NTM: variants seen among roughly 807,000 people sequenced by gnomAD.
NTM encodes IgLON family member 2.
NTM carries 13 observed loss-of-function variants against 42.1 expected under a neutral mutation model. That is an observed-to-expected ratio of 0.31 (90% CI 0.20 to 0.49). The LOEUF (loss-of-function observed/expected upper bound fraction) is 0.49, where lower values mean the gene tolerates loss of function less well. NTM is among the 20% of genes least tolerant of loss of function. The pLI, the probability that NTM is intolerant of heterozygous loss-of-function variation, is 0.99. For synonymous variants in NTM, 187 were observed against 179.2 expected (o/e 1.04, Z -0.35); for missense variants, 373 against 452.8 (o/e 0.82, Z 1.60).
chr11:131,694,627 G>A (rs569603431), intron 1 of NTM, among the ~76,000 whole-genome samples: 1 of 152,338 alleles, frequency 6.6e-6, no homozygotes, highest in Admixed American at 6.5e-5. Flanking sequence ...ATGAGCTCAG[G>A]CAGGACAGGG....
chr11:131,976,116 ATTCCTTCCTTCC>A (rs373955090), intron 2 of NTM, among the ~76,000 whole-genome samples: 103 of 123,870 alleles, frequency 8.3e-4, no homozygotes, highest in Admixed American at 2.9e-3. Context: ...TCCCTCCCTC[ATTCCTTCCTTCC>A]TTCCTTCCTT....
chr11:131,402,824 C>A (rs1042724802), intron 1 of NTM, among the ~76,000 whole-genome samples: 1 of 152,182 alleles, frequency 6.6e-6, no homozygotes, highest in Non-Finnish European at 1.5e-5. Flanking sequence ...CCTAGAGATG[C>A]TCCATAGGAA....
chr11:131,743,079 A>G (rs1023874270), intron 1 of NTM, among the ~76,000 whole-genome samples: 3 of 152,174 alleles, frequency 2.0e-5, no homozygotes, highest in African/African-American at 7.2e-5. Context: ...AATAAGCTTT[A>G]TTTATTTTTC....
intron 1 of NTM, among the ~76,000 whole-genome samples, chr11:131,404,056 C>A (rs1945541102): frequency 6.6e-6 from 1 of 152,068 alleles, no homozygotes; most frequent in Admixed American, 6.6e-5. Context: ...TTTAAAATGG[C>A]AACTGCAACA....
chr11:132,267,929 G>GT (rs904424013), intron 4 of NTM, among the ~76,000 whole-genome samples: 103 of 151,478 alleles, frequency 6.8e-4, no homozygotes, highest in African/African-American at 2.0e-3. Context: ...GCATATGGGT[G>GT]TTTTTTTTGC....
rs1170456659 is a variant in NTM, at chr11:132,104,973, A to G, written c.168-41309A>G. Among the ~76,000 whole-genome samples, 97 of 118,604 alleles carry G rather than the reference A, an allele frequency of 8.2e-4. 6 individuals are homozygous for G. Among genetic ancestry groups the G allele is most frequent in the African/African-American group, 2.0e-3 (60 of 29,512 alleles). The allele number at this position is 118,604 out of a possible 152,430, so 77.8% of individuals were successfully genotyped here. On this transcript the variant is annotated intron_variant, in intron 2 of 8. Transcript: ENST00000683400. ...TATATATATATATATATATATATATATATATATATATATATATATTTCATG... is the reference window on the plus strand; with the variant it reads ...TATATATATATATATATATATATATGTATATATATATATATATATTTCATG...
At chr11:131,450,946 C>T (rs1950437177) in intron 1 of NTM, among the ~76,000 whole-genome samples, 1 of 151,860 alleles carries the variant, frequency 6.6e-6, no homozygotes, top group African/African-American at 2.4e-5. Flanking sequence ...GCAAAGGAGA[C>T]AGGGCAGGGC....
At chr11:131,869,318 AGAG>A (rs71940084) in intron 1 of NTM, among the ~76,000 whole-genome samples, 6,222 of 152,250 alleles carry the variant, frequency 0.041, 433 homozygotes, top group African/African-American at 0.14. Flanking sequence ...CCATTGTTTC[AGAG>A]GAGGAGTCCT....
At chr11:132,045,162 G>A (rs1039545506) in intron 2 of NTM, among the ~76,000 whole-genome samples, 1 of 152,198 alleles carries the variant, frequency 6.6e-6, no homozygotes, top group African/African-American at 2.4e-5. Context: ...CAGGCTGTCT[G>A]TTGCGTTCTG....
chr11:131,424,814 CT>C (rs1947945162), intron 1 of NTM, among the ~76,000 whole-genome samples: 1 of 149,558 alleles, frequency 6.7e-6, no homozygotes, highest in African/African-American at 2.5e-5. Context: ...CGTGATCTGC[CT>C]GCCTTGGCCT....
chr11:131,804,317 T>G (rs1379292721), intron 1 of NTM, among the ~76,000 whole-genome samples: 1 of 152,176 alleles, frequency 6.6e-6, no homozygotes, highest in Admixed American at 6.5e-5. Flanking sequence ...AAGTCCAGCT[T>G]ATTTATTGAG....
chr11:132,167,758 T>C (rs919199744), intron 3 of NTM, among the ~76,000 whole-genome samples: 9 of 152,168 alleles, frequency 5.9e-5, no homozygotes, highest in African/African-American at 2.2e-4. Flanking sequence ...TTGTTCAAGG[T>C]GGATATGTGT....
chr11:131,753,595 A>G, intron 1 of NTM, among the ~76,000 whole-genome samples: 1 of 147,510 alleles, frequency 6.8e-6, no homozygotes, highest in East Asian at 1.9e-4. Flanking sequence ...CTTTGTAGGG[A>G]CATGGATGAA....
At chr11:132,181,080 A>AT (rs1296228236) in intron 3 of NTM, among the ~76,000 whole-genome samples, 1 of 152,128 alleles carries the variant, frequency 6.6e-6, no homozygotes, top group Non-Finnish European at 1.5e-5. Flanking sequence ...ATCTCATGGC[A>AT]TTTTTTCAGT....
chr11:131,803,692 C>T (rs548183823), intron 1 of NTM, among the ~76,000 whole-genome samples: 1 of 152,316 alleles, frequency 6.6e-6, no homozygotes, highest in East Asian at 1.9e-4. Context: ...TCCCAGCCAC[C>T]AGCTGCTCCT....
At chr11:132,246,469 C>T (rs1225764670) in intron 4 of NTM, among the ~76,000 whole-genome samples, 2 of 152,236 alleles carry the variant, frequency 1.3e-5, no homozygotes, top group African/African-American at 4.8e-5. Context: ...CAGAGCTGAA[C>T]TCCCAGTGGA....
intron 1 of NTM, among the ~76,000 whole-genome samples, chr11:131,442,669 A>G (rs1017951331): frequency 6.6e-6 from 1 of 152,172 alleles, no homozygotes; most frequent in Non-Finnish European, 1.5e-5. Flanking sequence ...GAGAACATGC[A>G]GCATTTGACT....
At chr11:131,680,337 A>G (rs528523342) in intron 1 of NTM, among the ~76,000 whole-genome samples, 1 of 150,356 alleles carries the variant, frequency 6.7e-6, no homozygotes, top group African/African-American at 2.4e-5. Context: ...ACATCTATGT[A>G]TGTGTCTATG....
chr11:131,911,398 C>T (rs901215064), intron 1 of NTM, 166 bp from the exon 2 acceptor site: 4 of 1,594,774 alleles, frequency 2.5e-6, no homozygotes, highest in African/African-American at 2.7e-5. Flanking sequence ...CGCGCTCGCT[C>T]CGCACCCCAC....
Sources: gnomAD v4.1 joint callset for allele counts (sites outside exome capture counted in the v4.1 genomes callset) on GRCh38, gnomAD v4.1.1 for gene constraint, MANE v1.5 for transcripts, NCBI Gene and HGNC (gene_info 2026-07-23, HGNC 2026-07-21) for gene names.